The following AUTS2 variants were observed in gnomAD, a reference collection of about 807,000 sequenced individuals.
The protein encoded by AUTS2 is autism susceptibility gene 2 protein.
AUTS2 carries 17 observed loss-of-function variants against 112.4 expected under a neutral mutation model. The ratio of observed to expected loss-of-function variants is 0.15; its 90% confidence interval spans 0.10 to 0.23. The LOEUF is 0.23. AUTS2 is among the 10% of genes least tolerant of loss of function. AUTS2 has a pLI of 1.00. For missense variants in AUTS2, 1,510 were observed against 1,701.6 expected, an observed-to-expected ratio of 0.89 and a Z score of 1.98; for synonymous variants, 751 against 702.7, an observed-to-expected ratio of 1.07 and a Z score of -1.09.
chr7:69,850,303 AAAAAC>A lies in AUTS2; in HGVS notation c.310-48978_310-48974del, dbSNP rs554142169. Among the ~76,000 whole-genome samples, 333 of 149,368 alleles carry A rather than the reference AAAAAC, an allele frequency of 2.2e-3. 3 individuals carry two copies. The highest frequency in any genetic ancestry group is 7.8e-3 in the African/African-American group (315 of 40,358). ...GGGTGACACTCTGTCTCAAAAAAAC[AAAAAC>A]AAAAACAAAAACAAAAAAACCCGGA... On this transcript the variant is annotated intron_variant, in intron 1 of 18. Transcript: ENST00000342771.
intron 6 of AUTS2, among the ~76,000 whole-genome samples, chr7:70,708,825 G>C (rs1207565957): frequency 2.0e-5 from 3 of 152,014 alleles, no homozygotes; most frequent in African/African-American, 7.2e-5. Flanking sequence ...CTATTGCAAA[G>C]GTTTTTGGCA....
chr7:69,650,760 T>C (rs564251327), intron 1 of AUTS2, among the ~76,000 whole-genome samples: 3 of 152,378 alleles, frequency 2.0e-5, no homozygotes, highest in African/African-American at 4.8e-5. Flanking sequence ...AAAATGCTCC[T>C]GCAGTAATGA....
At chr7:70,604,191 A>G (rs1243232177) in intron 5 of AUTS2, among the ~76,000 whole-genome samples, 1 of 152,186 alleles carries the variant, frequency 6.6e-6, no homozygotes, top group Non-Finnish European at 1.5e-5. Flanking sequence ...ACAGAATGGT[A>G]GTTATCACTT....
intron 2 of AUTS2, among the ~76,000 whole-genome samples, chr7:69,992,936 A>G (rs938579380): frequency 3.3e-5 from 5 of 152,192 alleles, no homozygotes; most frequent in African/African-American, 7.2e-5. Context: ...ATCAGGTTAA[A>G]AGACAGTATT....
chr7:69,725,249 C>T (rs1157715805), intron 1 of AUTS2, among the ~76,000 whole-genome samples: 1 of 152,060 alleles, frequency 6.6e-6, no homozygotes, highest in Admixed American at 6.6e-5. Flanking sequence ...CCAGGACTTA[C>T]CATGATAAAT....
chr7:69,877,897 A>G (rs1382731665), intron 1 of AUTS2, among the ~76,000 whole-genome samples: 4 of 152,202 alleles, frequency 2.6e-5, no homozygotes, highest in African/African-American at 9.7e-5. Flanking sequence ...TGTGTGCAGG[A>G]CATCACCAGA....
chr7:69,705,439 A>G (rs924870646), intron 1 of AUTS2, among the ~76,000 whole-genome samples: 21 of 152,248 alleles, frequency 1.4e-4, no homozygotes, highest in African/African-American at 5.1e-4. Context: ...GGATGACTGG[A>G]TAGATGGATG....
At chr7:69,954,349 A>T (rs1483493586) in intron 2 of AUTS2, among the ~76,000 whole-genome samples, 1 of 152,162 alleles carries the variant, frequency 6.6e-6, no homozygotes, top group Non-Finnish European at 1.5e-5. Flanking sequence ...TGGTGCTATC[A>T]TAGCTCACTG....
intron 1 of AUTS2, among the ~76,000 whole-genome samples, chr7:69,892,743 A>G (rs1295396502): frequency 6.6e-6 from 1 of 152,226 alleles, no homozygotes; most frequent in Non-Finnish European, 1.5e-5. Flanking sequence ...TAGGTTTTAC[A>G]TTCAGGTTTA....
At chr7:70,454,309 T>C (rs890992627) in intron 5 of AUTS2, among the ~76,000 whole-genome samples, 17 of 151,896 alleles carry the variant, frequency 1.1e-4, no homozygotes, top group African/African-American at 3.6e-4. Flanking sequence ...CCGAGGCGGG[T>C]GGATCACCTG....
chr7:70,157,862 T>G (rs1238868441), intron 4 of AUTS2, among the ~76,000 whole-genome samples: 1 of 152,200 alleles, frequency 6.6e-6, no homozygotes, highest in South Asian at 2.1e-4. Flanking sequence ...AACCACTACC[T>G]TAATAAGTTC....
Position 70,118,173 on chromosome 7 carries a change from A to C in AUTS2, c.564A>C (p.Glu188Asp). 6.2e-7 allele frequency: 1 copy of C among 1,612,576 alleles called. No individual in the cohort carries two copies. Among genetic ancestry groups the C allele is most frequent in the East Asian group, 2.2e-5 (1 of 44,746 alleles). Residue 188 changes from glutamate to aspartate, a missense_variant, in exon 3 of 19, where the codon GAA (glutamate) becomes GAC (aspartate). Transcript: ENST00000342771. ...GQNSCRDSDS[E>D]SASGESKGFH... is the part of the protein sequence containing the mutation. ...ACAGCTGCAGGGACAGTGACAGTGA[A>C]AGTGCCAGTGGAGAATCCAAGGGCT... is the stretch of plus-strand genomic sequence containing the variant.
intron 1 of AUTS2, among the ~76,000 whole-genome samples, chr7:69,794,191 G>A (rs1789740207): frequency 6.6e-6 from 1 of 152,160 alleles, no homozygotes; most frequent in Admixed American, 6.5e-5. Context: ...AGGCATGCTT[G>A]GTTCCCTTTG....
intron 4 of AUTS2, among the ~76,000 whole-genome samples, chr7:70,374,804 A>G (rs1386521367): frequency 2.0e-5 from 3 of 152,168 alleles, no homozygotes; most frequent in African/African-American, 7.2e-5. Context: ...TTACCCTAAT[A>G]TAAAGCCTGG....
intron 14 of AUTS2, among the ~76,000 whole-genome samples, chr7:70,779,181 A>G (rs1790899396): frequency 6.6e-6 from 1 of 152,218 alleles, no homozygotes; most frequent in African/African-American, 2.4e-5. Context: ...TTATAGATTC[A>G]TAGTGAATTA....
chr7:69,655,131 C>T (rs1224138506), intron 1 of AUTS2, among the ~76,000 whole-genome samples: 1 of 152,102 alleles, frequency 6.6e-6, no homozygotes, highest in East Asian at 1.9e-4. Context: ...CCATTTGGCA[C>T]TTCACAGCCT....
chr7:70,326,150 C>G (rs1790475900), intron 4 of AUTS2, among the ~76,000 whole-genome samples: 1 of 152,100 alleles, frequency 6.6e-6, no homozygotes, highest in Admixed American at 6.5e-5. Flanking sequence ...AGGAGACTCC[C>G]CAGGGGCTGC....
intron 5 of AUTS2, among the ~76,000 whole-genome samples, chr7:70,568,897 G>A (rs1298348891): frequency 6.6e-6 from 1 of 152,196 alleles, no homozygotes; most frequent in African/African-American, 2.4e-5. Flanking sequence ...TGTGGCTGTT[G>A]ACAAATTTTT....
At chr7:70,771,687 T>C in intron 11 of AUTS2, 43 bp downstream of exon 11, 1 of 1,572,990 alleles carries the variant, frequency 6.4e-7, no homozygotes, top group Non-Finnish European at 8.7e-7. Context: ...TGTGTCTAAG[T>C]GGCGTCCCGG....
Sources: gnomAD v4.1 joint callset for allele counts (sites outside exome capture counted in the v4.1 genomes callset) on GRCh38, gnomAD v4.1.1 for gene constraint, MANE v1.5 for transcripts, NCBI Gene and HGNC (gene_info 2026-07-23, HGNC 2026-07-21) for gene names.